SCAPER: variants seen among roughly 807,000 people sequenced by gnomAD.
SCAPER encodes S phase cyclin A-associated protein in the endoplasmic reticulum.
A neutral mutation model predicts 182.2 loss-of-function variants in SCAPER; 98 were observed. The ratio of observed to expected loss-of-function variants is 0.54; its 90% CI spans 0.46 to 0.64. The LOEUF (loss-of-function observed/expected upper bound fraction) is 0.64, where lower values mean the gene tolerates loss of function less well. Among genes scored for constraint, SCAPER ranks in the 30% least tolerant of loss-of-function variants. The probability of loss-of-function intolerance (pLI) is 0.00; values close to 1 mark genes in which losing one functional copy is unlikely to be tolerated. For missense variants in SCAPER, 1,432 were observed against 1,690.0 expected (o/e 0.85, Z 2.68); for synonymous variants, 605 against 564.6 (o/e 1.07, Z -1.01).
At chr15:76,449,481 C>T (rs1324805461) in intron 25 of SCAPER, among the ~76,000 whole-genome samples, 1 of 152,158 alleles carries the variant, frequency 6.6e-6, no homozygotes, top group Non-Finnish European at 1.5e-5. Context: ...AGTATGGCTT[C>T]CCCACTAACT....
intron 21 of SCAPER, among the ~76,000 whole-genome samples, chr15:76,623,139 T>C (rs565609519): frequency 6.6e-6 from 1 of 152,368 alleles, no homozygotes; most frequent in East Asian, 1.9e-4. Context: ...TCCTTATAGA[T>C]TCTGGATATT....
intron 15 of SCAPER, among the ~76,000 whole-genome samples, chr15:76,737,209 G>T (rs1309593234): frequency 6.6e-6 from 1 of 152,128 alleles, no homozygotes; most frequent in African/African-American, 2.4e-5. Flanking sequence ...TTTATAAAAT[G>T]TATTTTTTAA....
rs1299828831 is a variant in SCAPER at position 76,849,104 on chromosome 15, G to A, written c.196-7173C>T. On this transcript the variant is annotated intron_variant, in intron 4 of 31. Coordinates refer to ENST00000563290, the MANE Select transcript of SCAPER (RefSeq NM_020843.4). ...CATCACAGCCACCATATGGAGAGGAGACCAACCTCTCCTCCCTGTGAGCCT... is the reference window on the plus strand; with the variant it reads ...CATCACAGCCACCATATGGAGAGGAAACCAACCTCTCCTCCCTGTGAGCCT... 2.6e-5 allele frequency among the ~76,000 whole-genome samples: 4 copies of A among 152,246 alleles called. No individual in the cohort carries two copies. In the East Asian group the frequency reaches 7.7e-4, roughly 29 times the overall value.
At chr15:76,407,377 G>C (rs1054595332) in intron 26 of SCAPER, among the ~76,000 whole-genome samples, 4 of 152,102 alleles carry the variant, frequency 2.6e-5, no homozygotes, top group African/African-American at 9.7e-5. Context: ...TTGTATATGT[G>C]GTCTGTTGTT....
At position 76,726,747 on chromosome 15, in the gene SCAPER, C is replaced by T. The variant is rs35402111; in HGVS notation, c.2165+1848G>A. Among the ~76,000 whole-genome samples the T allele has an allele frequency of 8.2e-3, 1,243 of 152,016 alleles. 13 individuals are homozygous for T. Among genetic ancestry groups the T allele is most frequent in the African/African-American group, 0.028 (1,177 of 41,482 alleles). ...GGATAAGTCACAAAAGGACAAATAC[C>T]GTATGATTCCACTTATATAAGATCC... On this transcript the variant is annotated intron_variant, in intron 17 of 31. Coordinates refer to ENST00000563290, the MANE Select transcript of SCAPER (RefSeq NM_020843.4).
intron 27 of SCAPER, among the ~76,000 whole-genome samples, chr15:76,389,449 C>T (rs2043509205): frequency 8.1e-6 from 1 of 122,850 alleles, no homozygotes; most frequent in Non-Finnish European, 1.6e-5. Context: ...TGCAGTGAGC[C>T]GAGTTTGCAT....
chr15:76,442,377 T>C (rs2047673502), intron 25 of SCAPER, among the ~76,000 whole-genome samples: 1 of 152,240 alleles, frequency 6.6e-6, no homozygotes, highest in African/African-American at 2.4e-5. Flanking sequence ...AATTTGTCTC[T>C]GTAGTTCCAG....
At chr15:76,762,471 CTACTT>C (rs2062852682) in intron 14 of SCAPER, among the ~76,000 whole-genome samples, 1 of 147,920 alleles carries the variant, frequency 6.8e-6, no homozygotes, top group Non-Finnish European at 1.5e-5. Context: ...AATTTGATGT[CTACTT>C]TAATTTAATT....
At chr15:76,470,658 C>T (rs1324678383) in intron 25 of SCAPER, among the ~76,000 whole-genome samples, 1 of 152,158 alleles carries the variant, frequency 6.6e-6, no homozygotes, top group Non-Finnish European at 1.5e-5. Flanking sequence ...TTACATTGAG[C>T]TTACCTCTTT....
chr15:76,803,668 T>A (rs1404319636), intron 6 of SCAPER, among the ~76,000 whole-genome samples: 1 of 152,148 alleles, frequency 6.6e-6, no homozygotes, highest in East Asian at 1.9e-4. Flanking sequence ...ATCTTTCAGC[T>A]GTGTCTTCAC....
At chr15:76,648,999 C>T (rs1306432534) in intron 21 of SCAPER, among the ~76,000 whole-genome samples, 16 of 152,198 alleles carry the variant, frequency 1.1e-4, no homozygotes, top group Admixed American at 7.9e-4. Flanking sequence ...CAATCTCTTG[C>T]GCCCTTTGTA....
chr15:76,767,847 CTA>C (rs1250872035), intron 10 of SCAPER, among the ~76,000 whole-genome samples: 2 of 151,794 alleles, frequency 1.3e-5, no homozygotes, highest in African/African-American at 4.8e-5. Flanking sequence ...TAAGACTGAG[CTA>C]TATGTTTCCT....
intron 21 of SCAPER, among the ~76,000 whole-genome samples, chr15:76,651,814 GAA>G (rs200721516): frequency 1.0e-5 from 1 of 99,440 alleles, no homozygotes. Context: ...AGGCACAATG[GAA>G]AAAAAAAAAA....
intron 21 of SCAPER, among the ~76,000 whole-genome samples, chr15:76,657,160 T>C (rs1364839443): frequency 6.6e-6 from 1 of 151,378 alleles, no homozygotes; most frequent in African/African-American, 2.4e-5. Flanking sequence ...GCTAGACTAA[T>C]AAAGAAAAAA....
chr15:76,688,297 G>C (rs562026810), intron 20 of SCAPER, among the ~76,000 whole-genome samples: 3 of 152,082 alleles, frequency 2.0e-5, no homozygotes, highest in South Asian at 4.1e-4. Context: ...TTTTCTTCCT[G>C]TAAACGTGTT....
chr15:76,407,810 A>G (rs780948632), intron 26 of SCAPER, among the ~76,000 whole-genome samples: 6 of 152,206 alleles, frequency 3.9e-5, no homozygotes, highest in Non-Finnish European at 8.8e-5. Context: ...CTTTATTGAC[A>G]GAATAGGATA....
chr15:76,775,051 G>C lies in SCAPER; in HGVS notation c.839C>G (p.Ala280Gly). 1 of 1,613,716 alleles carries C rather than the reference G, an allele frequency of 6.2e-7. No homozygotes were observed. Among genetic ancestry groups the C allele is most frequent in the Non-Finnish European group, 8.5e-7 (1 of 1,179,752 alleles). Residue 280 changes from alanine to glycine, a missense_variant, in exon 9 of 32, where the codon GCA becomes GGA. Ala to Gly is a moderately conservative substitution (Grantham distance 60, BLOSUM62 0). Coordinates refer to ENST00000563290, the MANE Select transcript of SCAPER (RefSeq NM_020843.4). ...RGRPIRSRSTAVMPKVSLATE... is the reference protein window; with the variant it reads ...RGRPIRSRSTGVMPKVSLATE... Reference sequence around the variant, plus strand: ...TGCCAATGAAACTTTTGGCATCACTGCTGTTGATCGAGAACGAATAGGCCT... The same window carrying C: ...TGCCAATGAAACTTTTGGCATCACTCCTGTTGATCGAGAACGAATAGGCCT...
At position 76,605,147 on chromosome 15, in the gene SCAPER, T is replaced by A. The variant is rs535485198; in HGVS notation, c.2711+16617A>T. The stretch of plus-strand genomic sequence containing the variant: ...CAGTTTTTGCTCATTCCGTATGATA[T>A]TGGCTGTGGGTTTGCCATAGATAGC... On this transcript the variant is annotated intron_variant, in intron 22 of 31. Coordinates refer to ENST00000563290, the MANE Select transcript of SCAPER (RefSeq NM_020843.4). Among the ~76,000 whole-genome samples, 6 of 152,346 alleles carry A rather than the reference T, an allele frequency of 3.9e-5. 1 individual carries two copies. The highest frequency in any genetic ancestry group is 3.9e-4 in the Admixed American group (6 of 15,306).
intron 23 of SCAPER, among the ~76,000 whole-genome samples, chr15:76,522,940 TATA>T (rs2042935869): frequency 6.6e-6 from 1 of 152,228 alleles, no homozygotes; most frequent in Admixed American, 6.5e-5. Context: ...ACTGTTAGTA[TATA>T]ATGTTATTTC....
Sources: gnomAD v4.1 joint callset for allele counts (sites outside exome capture counted in the v4.1 genomes callset) on GRCh38, gnomAD v4.1.1 for gene constraint, MANE v1.5 for transcripts, NCBI Gene and HGNC (gene_info 2026-07-23, HGNC 2026-07-21) for gene names.